Variants in SEC23A observed in about 807,000 individuals in gnomAD.
SEC23A encodes SEC23 homolog A, COPII component, also known as protein transport protein Sec23A.
In SEC23A, 56 loss-of-function variants were observed where a neutral mutation model predicts 103.7. That is an observed-to-expected ratio of 0.54 (90% CI 0.44 to 0.67). SEC23A has a LOEUF of 0.67. Among genes scored for constraint, SEC23A ranks in the 30% least tolerant of loss-of-function variants. The pLI, the probability that SEC23A is intolerant of heterozygous loss-of-function variation, is 0.00. For missense variants in SEC23A, 784 were observed against 936.4 expected, an observed-to-expected ratio of 0.84 and a Z score of 2.12; for synonymous variants, 281 against 293.0, an observed-to-expected ratio of 0.96 and a Z score of 0.42.
intron 9 of SEC23A, among the ~76,000 whole-genome samples, chr14:39,069,478 G>A (rs1886774993): frequency 6.6e-6 from 1 of 151,450 alleles, no homozygotes; most frequent in Non-Finnish European, 1.5e-5. Context: ...ATTATTTTTT[G>A]AGCCCAGGTC....
intron 2 of SEC23A, among the ~76,000 whole-genome samples, chr14:39,094,393 CACACATATATATATATAT>C (rs1317210413): frequency 0.1 from 2,419 of 23,850 alleles, 394 homozygotes; most frequent in Non-Finnish European, 0.15. Flanking sequence ...CACACACACA[CACACATATATATATATAT>C]ATATATATAT....
In SEC23A at chr14:39,093,016, A is replaced by T; in HGVS notation, c.279+171T>A. On this transcript the variant is annotated intron_variant, in intron 3 of 19. Coordinates refer to ENST00000307712, the MANE Select transcript of SEC23A (RefSeq NM_006364.4). ...GTAGCTGGGACTACAGGCGCCTGCC[A>T]CCACGCCCAGCTAATTTTTTTTTTG... 2.1e-5 allele frequency: 11 copies of T among 529,004 alleles called. No individual in the cohort carries two copies. The South Asian group carries it at 2.3e-4, about 11-fold the overall frequency. 32.8% of individuals were successfully genotyped at this position (529,004 alleles called of 1,614,324 possible). A position where few individuals can be genotyped will look rare whatever the true frequency, so the allele number is the denominator to read the frequency against.
At chr14:39,093,877 G>A (rs1439511812) in intron 2 of SEC23A, among the ~76,000 whole-genome samples, 1 of 151,926 alleles carries the variant, frequency 6.6e-6, no homozygotes, top group Non-Finnish European at 1.5e-5. Flanking sequence ...CATTTATTCA[G>A]GTCAAAAATA....
At chr14:39,098,496 C>T (rs764398581) in intron 1 of SEC23A, among the ~76,000 whole-genome samples, 13 of 152,188 alleles carry the variant, frequency 8.5e-5, no homozygotes, top group Non-Finnish European at 1.9e-4. Context: ...AATTTTAAGG[C>T]CAGGCACAGT....
chr14:39,055,717 G>A (rs546838558), intron 13 of SEC23A, among the ~76,000 whole-genome samples: 3 of 152,292 alleles, frequency 2.0e-5, no homozygotes, highest in Admixed American at 6.5e-5. Flanking sequence ...GCAAAGTATC[G>A]ATAACATTAT....
intron 1 of SEC23A, among the ~76,000 whole-genome samples, chr14:39,099,821 A>C (rs1888022577): frequency 6.6e-6 from 1 of 152,138 alleles, no homozygotes; most frequent in Non-Finnish European, 1.5e-5. Context: ...ATATATCACA[A>C]TAAACTGCAG....
chr14:39,060,971 T>C (rs1305494005), intron 13 of SEC23A, among the ~76,000 whole-genome samples: 2 of 152,182 alleles, frequency 1.3e-5, no homozygotes, highest in African/African-American at 4.8e-5. Flanking sequence ...TCTCAACAAG[T>C]GCTAGTCAAA....
At chr14:39,066,448 G>C (rs1181389252) in intron 10 of SEC23A, among the ~76,000 whole-genome samples, 1 of 149,740 alleles carries the variant, frequency 6.7e-6, no homozygotes, top group Non-Finnish European at 1.5e-5. Flanking sequence ...AACAATTACT[G>C]ATTATCCGAA....
At chr14:39,050,248 T>G (rs1263525787) in intron 14 of SEC23A, among the ~76,000 whole-genome samples, 1 of 152,136 alleles carries the variant, frequency 6.6e-6, no homozygotes. Flanking sequence ...ACTGGGCAGA[T>G]AAAGCAACAG....
rs1440176148 is a variant in SEC23A at position 39,063,506 on chromosome 14, AAAAAG to A, written c.1309-98_1309-94del. On this transcript the variant is annotated intron_variant, in intron 11 of 19. Transcript: ENST00000307712. The stretch of plus-strand genomic sequence containing the variant: ...AAATGGAAAAAGACCACAGGAAAAA[AAAAAG>A]TCATGTTTCAAACTAATTCAACAAT... 6.0e-5 allele frequency: 47 copies of A among 777,172 alleles called. No individual in the cohort carries two copies. The African/African-American group carries it at 7.9e-4, about 13-fold the overall frequency. The allele number at this position is 777,172 out of a possible 1,614,324, so 48.1% of individuals were successfully genotyped here.
At chr14:39,066,478 CTT>C (rs56126062) in intron 10 of SEC23A, among the ~76,000 whole-genome samples, 26 of 144,098 alleles carry the variant, frequency 1.8e-4, no homozygotes, top group African/African-American at 6.7e-4. Context: ...ACAGTTTCCT[CTT>C]TTTTTTTTTT....
At chr14:39,036,793 G>A (rs117064050) in intron 19 of SEC23A, among the ~76,000 whole-genome samples, 3,577 of 152,116 alleles carry the variant, frequency 0.024, 54 homozygotes, top group Non-Finnish European at 0.036. Context: ...CTTATCCTCA[G>A]GTTAAATTTG....
At chr14:39,067,398 T>G in intron 9 of SEC23A, 102 bp from the exon 10 acceptor site, 1 of 1,300,604 alleles carries the variant, frequency 7.7e-7, no homozygotes, top group East Asian at 2.4e-5. Flanking sequence ...CAATAAATTT[T>G]AAAGATATTT....
chr14:39,091,333 A>C (rs996089692), intron 5 of SEC23A, 144 bp downstream of exon 5: 28 of 651,414 alleles, frequency 4.3e-5, no homozygotes, highest in Non-Finnish European at 7.0e-5. Context: ...AACTGAAGCC[A>C]GCACTGAATT....
At position 39,032,598 on chromosome 14, in the gene SEC23A, T is replaced by G. The variant is rs370915812; in HGVS notation, c.*641A>C. On this transcript the variant is annotated 3_prime_UTR_variant, in exon 20 of 20. Transcript: ENST00000307712. ...TTGGATATTTTGTGGAAATTTCACA[T>G]TTTTTGTCAGCTGCGGGATTGTTAC... 5 of 152,630 alleles carry G rather than the reference T, an allele frequency of 3.3e-5. No individual in the cohort carries two copies. The highest frequency in any genetic ancestry group is 5.9e-5 in the Non-Finnish European group (4 of 68,018). The allele number at this position is 152,630 out of a possible 1,614,324, so 9.5% of individuals were successfully genotyped here.
rs12884457 is a variant in SEC23A, at chr14:39,094,333, T to C, written c.222-1089A>G. Among the ~76,000 whole-genome samples the C allele has an allele frequency of 8.1e-4, 38 of 46,692 alleles. 1 individual carries two copies. The highest frequency in any genetic ancestry group is 1.6e-3 in the African/African-American group (20 of 12,308). The allele number at this position is 46,692 out of a possible 152,430, so 30.6% of individuals were successfully genotyped here. On this transcript the variant is annotated intron_variant, in intron 2 of 19. Transcript: ENST00000307712. Reference sequence around the variant, plus strand: ...ACATATATATGCATATATACACATATACACATATATATGCATATATACACA... The same window carrying C: ...ACATATATATGCATATATACACATACACACATATATATGCATATATACACA...
chr14:39,064,109 T>C (rs1886574879), intron 11 of SEC23A, among the ~76,000 whole-genome samples: 1 of 150,948 alleles, frequency 6.6e-6, no homozygotes. Context: ...ATTTAACATA[T>C]AATATATGCA....
rs574945334 is a variant in SEC23A, at chr14:39,087,393, AAACT to A, written c.604-389_604-386del. The A allele has an allele frequency of 1.2e-3, 255 of 218,502 alleles. 1 individual carries two copies. Among genetic ancestry groups the A allele is most frequent in the African/African-American group, 5.6e-3 (239 of 42,740 alleles). 13.5% of individuals were successfully genotyped at this position (218,502 alleles called of 1,614,324 possible). A position where few individuals can be genotyped will look rare whatever the true frequency, so the allele number is the denominator to read the frequency against. On this transcript the variant is annotated intron_variant, in intron 5 of 19. Coordinates refer to ENST00000307712, the MANE Select transcript of SEC23A (RefSeq NM_006364.4). Reference sequence around the variant, plus strand: ...CTATGTGGCAGGAATACAATGGTAAAAACTAACTAGTCCCTTCCCTCATGGAAAT... The same window carrying A: ...CTATGTGGCAGGAATACAATGGTAAAAACTAGTCCCTTCCCTCATGGAAAT...
rs558038674 is a variant in SEC23A at position 39,086,900 on chromosome 14, G to A, written c.683+29C>T. ...GAATGTTTAAAATAGCTACAGAAAC[G>A]GTCAAATTCTCTTCATCATATTTAT... On this transcript the variant is annotated intron_variant, in intron 6 of 19. Transcript: ENST00000307712. 4.5e-5 allele frequency: 61 copies of A among 1,345,696 alleles called. No homozygotes were observed. In the Middle Eastern group the frequency reaches 7.2e-4, roughly 16 times the overall value. The allele number at this position is 1,345,696 out of a possible 1,614,324, so 83.4% of individuals were successfully genotyped here. A position where few individuals can be genotyped will look rare whatever the true frequency, so the allele number is the denominator to read the frequency against.
Sources: gnomAD v4.1 joint callset for allele counts (sites outside exome capture counted in the v4.1 genomes callset) on GRCh38, gnomAD v4.1.1 for gene constraint, MANE v1.5 for transcripts, NCBI Gene and HGNC (gene_info 2026-07-23, HGNC 2026-07-21) for gene names.